Variants in KCNMB4 observed in about 807,000 individuals in gnomAD.
KCNMB4 encodes the protein potassium calcium-activated channel subfamily M regulatory beta subunit 4.
In KCNMB4, 3 loss-of-function variants were observed where a neutral mutation model predicts 20.7. The ratio of observed to expected loss-of-function variants is 0.14; its 90% CI spans 0.07 to 0.37. The LOEUF (loss-of-function observed/expected upper bound fraction) is 0.37. KCNMB4 is among the 10% of genes least tolerant of loss of function. KCNMB4 has a pLI of 1.00. For synonymous variants in KCNMB4, 110 were observed against 113.4 expected (o/e 0.97, Z 0.19); for missense variants, 168 against 265.9 (o/e 0.63, Z 2.56).
chr12:70,391,626 G>A (rs1364773326), intron 1 of KCNMB4, among the ~76,000 whole-genome samples: 1 of 152,160 alleles, frequency 6.6e-6, no homozygotes, highest in African/African-American at 2.4e-5. Flanking sequence ...AATTCTGTGG[G>A]TCAGAAATTT....
intron 2 of KCNMB4, among the ~76,000 whole-genome samples, chr12:70,428,143 AAATAACTAGGTCT>A (rs1869262305): frequency 6.6e-6 from 1 of 151,808 alleles, no homozygotes; most frequent in African/African-American, 2.4e-5. Context: ...TCAGCCTCCC[AAATAACTAGGTCT>A]ACAGGCATGT....
intron 1 of KCNMB4, among the ~76,000 whole-genome samples, chr12:70,389,074 C>A (rs11612513): frequency 0.12 from 17,691 of 151,742 alleles, 1,279 homozygotes; most frequent in Middle Eastern, 0.23. Context: ...ATGGACTTAG[C>A]TTTCTTGCAC....
At chr12:70,424,731 CAA>C (rs773618162) in intron 2 of KCNMB4, among the ~76,000 whole-genome samples, 19 of 151,272 alleles carry the variant, frequency 1.3e-4, no homozygotes, top group Non-Finnish European at 1.6e-4. Flanking sequence ...GCCTGGGCGA[CAA>C]GAGCAAAACT....
chr12:70,418,815 G>A (rs551143014), intron 2 of KCNMB4, among the ~76,000 whole-genome samples: 1 of 152,202 alleles, frequency 6.6e-6, no homozygotes, highest in South Asian at 2.1e-4. Context: ...TAAAGCTCTT[G>A]CCAGCCTTAT....
At chr12:70,367,533 C>G (rs1883517358) in intron 1 of KCNMB4, among the ~76,000 whole-genome samples, 1 of 152,108 alleles carries the variant, frequency 6.6e-6, no homozygotes, top group South Asian at 2.1e-4. Flanking sequence ...AGGGGACTCT[C>G]GAAAGTTGTG....
chr12:70,416,336 G>A (rs1024876179), intron 2 of KCNMB4, among the ~76,000 whole-genome samples: 3 of 152,166 alleles, frequency 2.0e-5, no homozygotes, highest in Non-Finnish European at 4.4e-5. Context: ...GTTTCTGTAG[G>A]AATACCTGTG....
intron 1 of KCNMB4, among the ~76,000 whole-genome samples, chr12:70,380,144 G>C (rs974297494): frequency 6.6e-6 from 1 of 152,172 alleles, no homozygotes; most frequent in African/African-American, 2.4e-5. Flanking sequence ...TGAACACTTA[G>C]AGGCTGTTGT....
In KCNMB4 at chr12:70,431,770, G is replaced by A. The variant is rs1185765364; in HGVS notation, c.*1117G>A. The stretch of plus-strand genomic sequence containing the variant: ...TCAAATTCCAAGTATCAAATCGCAG[G>A]TCTCAGTGAACATCAAACCTATTTA... On this transcript the variant is annotated 3_prime_UTR_variant, in exon 3 of 3. Coordinates refer to ENST00000258111, the MANE Select transcript of KCNMB4 (RefSeq NM_014505.6). 2 of 152,030 alleles carry A rather than the reference G, an allele frequency of 1.3e-5. No individual in the cohort carries two copies. The highest frequency in any genetic ancestry group is 2.9e-5 in the Non-Finnish European group (2 of 68,012). 9.4% of individuals were successfully genotyped at this position (152,030 alleles called of 1,614,324 possible). A position where few individuals can be genotyped will look rare whatever the true frequency, so the allele number is the denominator to read the frequency against.
intron 1 of KCNMB4, among the ~76,000 whole-genome samples, chr12:70,370,165 C>G (rs1471599360): frequency 6.6e-6 from 1 of 152,070 alleles, no homozygotes; most frequent in Non-Finnish European, 1.5e-5. Context: ...AGACAAGATT[C>G]AAAAACCACT....
intron 1 of KCNMB4, among the ~76,000 whole-genome samples, chr12:70,371,835 A>T (rs1312661660): frequency 1.3e-5 from 2 of 152,240 alleles, no homozygotes; most frequent in Non-Finnish European, 2.9e-5. Context: ...TCCTGCACTC[A>T]TGGAACTTAT....
At chr12:70,419,137 T>A (rs553798342) in intron 2 of KCNMB4, among the ~76,000 whole-genome samples, 2 of 152,338 alleles carry the variant, frequency 1.3e-5, no homozygotes, top group Admixed American at 1.3e-4. Flanking sequence ...CACCTTTTGA[T>A]GTTTAAGAAT....
chr12:70,389,010 T>C (rs1300997497), intron 1 of KCNMB4, among the ~76,000 whole-genome samples: 3 of 151,606 alleles, frequency 2.0e-5, no homozygotes, highest in African/African-American at 7.3e-5. Context: ...TTCTAAACAA[T>C]AGGTTTTCTG....
intron 1 of KCNMB4, among the ~76,000 whole-genome samples, chr12:70,390,862 G>T (rs1435441986): frequency 6.6e-6 from 1 of 152,170 alleles, no homozygotes; most frequent in African/African-American, 2.4e-5. Context: ...CTCATTCTAA[G>T]CACAGGTGTA....
chr12:70,390,157 C>T (rs1477931838), intron 1 of KCNMB4, among the ~76,000 whole-genome samples: 2 of 152,194 alleles, frequency 1.3e-5, no homozygotes, highest in African/African-American at 2.4e-5. Context: ...TCCTGGCACA[C>T]TGCAGAGTAT....
intron 1 of KCNMB4, among the ~76,000 whole-genome samples, chr12:70,391,672 T>C (rs1868300545): frequency 6.6e-6 from 1 of 152,198 alleles, no homozygotes; most frequent in Admixed American, 6.5e-5. Context: ...TCTGAGGTCC[T>C]CTCCACATAG....
chr12:70,423,401 G>A (rs919978480), intron 2 of KCNMB4, among the ~76,000 whole-genome samples: 2 of 152,072 alleles, frequency 1.3e-5, no homozygotes, highest in Non-Finnish European at 1.5e-5. Flanking sequence ...TCAGCCTTTC[G>A]TTCATAGATA....
intron 1 of KCNMB4, among the ~76,000 whole-genome samples, chr12:70,388,444 C>T (rs2136123545): frequency 6.6e-6 from 1 of 152,114 alleles, no homozygotes; most frequent in African/African-American, 2.4e-5. Context: ...CCAAACTGTT[C>T]TCCCTAGTGG....
intron 2 of KCNMB4, among the ~76,000 whole-genome samples, chr12:70,401,584 A>G (rs1216355133): frequency 6.6e-6 from 1 of 151,054 alleles, no homozygotes; most frequent in Non-Finnish European, 1.5e-5. Context: ...TCAGATACCT[A>G]TTGCTGCATA....
intron 1 of KCNMB4, among the ~76,000 whole-genome samples, chr12:70,387,749 G>A (rs2136123232): frequency 6.6e-6 from 1 of 152,118 alleles, no homozygotes; most frequent in South Asian, 2.1e-4. Flanking sequence ...ATGCAGGCAT[G>A]CAAAGTGACA....
Sources: allele counts gnomAD v4.1 joint callset (sites outside exome capture counted in the v4.1 genomes callset), GRCh38; gene constraint gnomAD v4.1.1; transcripts MANE v1.5; gene names NCBI Gene and HGNC (gene_info 2026-07-23, HGNC 2026-07-21).